ABCA10: variants seen among roughly 807,000 people sequenced by gnomAD.
The protein encoded by ABCA10 is ATP-binding cassette sub-family A member 10.
ABCA10 carries 169 observed loss-of-function variants against 187.5 expected under a neutral mutation model. That is an observed-to-expected ratio of 0.90 (90% confidence interval 0.80 to 1.02). The LOEUF (loss-of-function observed/expected upper bound fraction) is 1.02. Ranked by LOEUF, ABCA10 falls within the 50% of genes least tolerant of loss-of-function variation. ABCA10 has a pLI of 0.00. For synonymous variants in ABCA10, 574 were observed against 601.8 expected (o/e 0.95, Z 0.68); for missense variants, 1,727 against 1,812.4 (o/e 0.95, Z 0.86).
At chr17:69,197,197 A>G (rs2074512451) in intron 10 of ABCA10, 75 bp from the exon 11 acceptor site, 2 of 1,190,212 alleles carry the variant, frequency 1.7e-6, no homozygotes, top group African/African-American at 1.5e-5. Context: ...TTCATAACTA[A>G]GCCTGAACTT....
chr17:69,184,247 G>A (rs943191943), intron 20 of ABCA10, among the ~76,000 whole-genome samples: 1 of 152,092 alleles, frequency 6.6e-6, no homozygotes, highest in Non-Finnish European at 1.5e-5. Flanking sequence ...TCACCTGCTG[G>A]TCTTTCTCCA....
upstream of ABCA10, among the ~76,000 whole-genome samples, chr17:69,229,251 C>A (rs1309203135): frequency 7.2e-5 from 11 of 151,952 alleles, no homozygotes; most frequent in South Asian, 1.5e-3. Context: ...AAAGGTGGGG[C>A]TAACAGGTGA....
intron 25 of ABCA10, 53 bp from the exon 26 acceptor site, chr17:69,165,136 A>C (rs890965853): frequency 7.2e-7 from 1 of 1,393,996 alleles, no homozygotes; most frequent in Non-Finnish European, 9.9e-7. Flanking sequence ...TTGATATCTT[A>C]AGATATTTCC....
chr17:69,207,433 C>T (rs1460362068), intron 9 of ABCA10, among the ~76,000 whole-genome samples: 1 of 152,168 alleles, frequency 6.6e-6, no homozygotes, highest in Non-Finnish European at 1.5e-5. Flanking sequence ...GAGATATCTG[C>T]ACTCCCATAT....
chr17:69,206,984 T>C (rs1374580312), intron 9 of ABCA10, among the ~76,000 whole-genome samples: 1 of 151,974 alleles, frequency 6.6e-6, no homozygotes, highest in East Asian at 1.9e-4. Flanking sequence ...AATTAGAAAA[T>C]ATTTGCAAAT....
At chr17:69,181,188 A>G (rs1196981631) in intron 22 of ABCA10, among the ~76,000 whole-genome samples, 4 of 152,160 alleles carry the variant, frequency 2.6e-5, no homozygotes, top group African/African-American at 9.6e-5. Context: ...TGCATTAATC[A>G]GCGTATATGT....
intron 25 of ABCA10, 148 bp from the exon 26 acceptor site, chr17:69,165,231 G>A (rs530810828): frequency 1.7e-5 from 12 of 699,128 alleles, no homozygotes; most frequent in Non-Finnish European, 2.8e-5. Flanking sequence ...ATCCTCTTTA[G>A]GAAGTCTCAA....
intron 9 of ABCA10, among the ~76,000 whole-genome samples, chr17:69,208,715 C>T (rs1411577461): frequency 6.6e-6 from 1 of 151,986 alleles, no homozygotes; most frequent in Non-Finnish European, 1.5e-5. Context: ...TAGAGTAGAG[C>T]CTAAACCAAT....
At chr17:69,179,514 T>C (rs2074362632) in intron 22 of ABCA10, among the ~76,000 whole-genome samples, 1 of 152,146 alleles carries the variant, frequency 6.6e-6, no homozygotes, top group Non-Finnish European at 1.5e-5. Flanking sequence ...AGCAAAAGCC[T>C]CAAGAGTAAC....
intron 27 of ABCA10, among the ~76,000 whole-genome samples, chr17:69,163,544 A>G (rs1411843509): frequency 6.6e-6 from 1 of 152,234 alleles, no homozygotes; most frequent in Non-Finnish European, 1.5e-5. Context: ...TTTATAAATC[A>G]AAACAAATTT....
At chr17:69,151,743 C>A (rs1430944279) in intron 36 of ABCA10, among the ~76,000 whole-genome samples, 3 of 152,134 alleles carry the variant, frequency 2.0e-5, no homozygotes, top group East Asian at 1.9e-4. Context: ...TTTTAAAAAT[C>A]ATTAAAAAGT....
intron 10 of ABCA10, among the ~76,000 whole-genome samples, chr17:69,200,307 C>G (rs1598111542): frequency 6.6e-6 from 1 of 152,162 alleles, no homozygotes; most frequent in Non-Finnish European, 1.5e-5. Context: ...GAAACTGAGG[C>G]ATAGGAGGTT....
At chr17:69,195,307 T>G (rs9902643) in intron 11 of ABCA10, among the ~76,000 whole-genome samples, 114,391 of 152,002 alleles carry the variant, frequency 0.75, 43,673 homozygotes, top group African/African-American at 0.86. Context: ...CTTAGTTTGA[T>G]AAAGTCAGGT....
chr17:69,161,691 T>C (rs1193990579), intron 27 of ABCA10, among the ~76,000 whole-genome samples: 1 of 151,002 alleles, frequency 6.6e-6, no homozygotes, highest in East Asian at 1.9e-4. Context: ...AGGATCTGGT[T>C]TGAGGTACTA....
At chr17:69,233,023 A>T (rs1037579089), upstream of ABCA10, 1 of 152,062 alleles carries the variant, frequency 6.6e-6, no homozygotes, top group Non-Finnish European at 1.5e-5. Context: ...AAGTTTGATT[A>T]TAATATATCT....
chr17:69,178,382 C>G (rs915116639), intron 22 of ABCA10, among the ~76,000 whole-genome samples: 3 of 152,108 alleles, frequency 2.0e-5, no homozygotes, highest in Non-Finnish European at 4.4e-5. Context: ...GCTAGTGGTT[C>G]TCTAAGTGTG....
In ABCA10 at chr17:69,154,302, T is replaced by C; in HGVS notation, c.3719A>G (p.His1240Arg). ...KKGEVLGLLGHNGAGKSTSIK... is the reference protein window; with the variant it reads ...KKGEVLGLLGRNGAGKSTSIK... ...GGAAGTACTTTTACCAGCTCCATTG[T>C]GTCCTAGTAATCCCAAAACTTCACC... The change falls in exon 31 of 39, where the codon CAC (histidine) becomes CGC (arginine). Residue 1240 changes from histidine (H) to arginine (R), a missense_variant. Physicochemically the swap from His to Arg is conservative, Grantham distance 29. Coordinates refer to ENST00000690296, the MANE Select transcript of ABCA10 (RefSeq NM_001377321.1). The C allele has an allele frequency of 6.2e-7, 1 of 1,608,448 alleles. No individual in the cohort carries two copies. Among genetic ancestry groups the C allele is most frequent in the South Asian group, 1.1e-5 (1 of 89,618 alleles).
At position 69,221,809 on chromosome 17, in the gene ABCA10, T is replaced by C; in HGVS notation, c.286A>G (p.Asn96Asp). 6.2e-7 allele frequency: 1 copy of C among 1,611,274 alleles called. No homozygotes were observed. Among genetic ancestry groups the C allele is most frequent in the East Asian group, 2.2e-5 (1 of 44,840 alleles). Reference protein sequence around the residue: ...KGFVAFQAAINAAIIEVTTNH... With the variant: ...KGFVAFQAAIDAAIIEVTTNH... ...GCACTTACTTCTATAATTGCAGCAT[T>C]AATTGCAGCTTGAAAAGCTACAAAC... The change falls in exon 5 of 39, where the codon AAT (asparagine) becomes GAT (aspartate). Residue 96 changes from asparagine to aspartate, a missense_variant. Physicochemically the swap from Asn to Asp is conservative, Grantham distance 23 (BLOSUM62 1). Coordinates refer to ENST00000690296, the MANE Select transcript of ABCA10 (RefSeq NM_001377321.1).
At position 69,156,820 on chromosome 17, in the gene ABCA10, T is replaced by C. The variant is rs1183379420; in HGVS notation, c.3455+12A>G. The stretch of plus-strand genomic sequence containing the variant: ...TAGATTATATTCAGATCTCAATTAA[T>C]ATTTTCCCAACCTGAAAACTGGGTC... On this transcript the variant is annotated intron_variant, in intron 28 of 38. Coordinates refer to ENST00000690296, the MANE Select transcript of ABCA10 (RefSeq NM_001377321.1). 6.1e-6 allele frequency: 9 copies of C among 1,478,218 alleles called. No individual in the cohort carries two copies. The highest frequency in any genetic ancestry group is 1.4e-5 in the African/African-American group (1 of 70,110). The allele number at this position is 1,478,218 out of a possible 1,614,324, so 91.6% of individuals were successfully genotyped here.
Sources: allele counts gnomAD v4.1 joint callset (sites outside exome capture counted in the v4.1 genomes callset), GRCh38; gene constraint gnomAD v4.1.1; transcripts MANE v1.5; gene names NCBI Gene and HGNC (gene_info 2026-07-23, HGNC 2026-07-21).